The following SUB1 variants were observed in gnomAD, a reference collection of about 807,000 sequenced individuals.
SUB1 encodes SUB1 regulator of transcription, also known as activated RNA polymerase II transcriptional coactivator p15.
A neutral mutation model predicts 16.9 loss-of-function variants in SUB1; 1 was observed. The observed-to-expected ratio is 0.06, with a 90% CI of 0.02 to 0.28. The LOEUF (loss-of-function observed/expected upper bound fraction) is 0.28. Ranked by LOEUF, SUB1 falls within the 10% of genes least tolerant of loss-of-function variation. SUB1 has a pLI of 1.00. For missense variants in SUB1, 84 were observed against 145.2 expected (o/e 0.58, Z 2.16); for synonymous variants, 51 against 46.9 (o/e 1.09, Z -0.36).
Position 32,592,505 on chromosome 5 carries a change from T to G in SUB1, c.195+820T>G, listed in dbSNP as rs75625205. 5.8e-3 allele frequency among the ~76,000 whole-genome samples: 882 copies of G among 152,264 alleles called. 24 individuals carry two copies. The East Asian group carries it at 0.06, about 10-fold the overall frequency. On this transcript the variant is annotated intron_variant, in intron 3 of 4. Coordinates refer to ENST00000265073, the MANE Select transcript of SUB1 (RefSeq NM_006713.4). The stretch of plus-strand genomic sequence containing the variant: ...CACTGGCATCTTTGTACAAGAAGGA[T>G]TTGTGAGGAAGGGATGTTGGGGAAT...
chr5:32,586,942 T>C (rs904848558), intron 1 of SUB1, among the ~76,000 whole-genome samples: 6 of 152,372 alleles, frequency 3.9e-5, no homozygotes, highest in Non-Finnish European at 8.8e-5. Context: ...TTGGAACATA[T>C]GCAATGTCAG....
chr5:32,597,545 CTG>C (rs1320549098), intron 3 of SUB1: 1 of 152,070 alleles, frequency 6.6e-6, no homozygotes, highest in Non-Finnish European at 1.5e-5. Flanking sequence ...CTCTTGGAGT[CTG>C]TGCTTTCAAT....
At chr5:32,590,557 T>G (rs61336233) in intron 2 of SUB1, among the ~76,000 whole-genome samples, 60 of 151,294 alleles carry the variant, frequency 4.0e-4, no homozygotes, top group African/African-American at 1.4e-3. Context: ...CAGTGCAAAA[T>G]AGCTCTCTAA....
chr5:32,593,437 C>G (rs1239568779), intron 3 of SUB1, among the ~76,000 whole-genome samples: 1 of 151,884 alleles, frequency 6.6e-6, no homozygotes, highest in Admixed American at 6.6e-5. Flanking sequence ...TTTCCTATTG[C>G]TTATTTTTGC....
At position 32,601,658 on chromosome 5, in the gene SUB1, G is replaced by A. The variant is rs1470802413; in HGVS notation, c.*574G>A. The A allele has an allele frequency of 6.6e-6, 1 of 152,638 alleles. No individual in the cohort carries two copies. Among genetic ancestry groups the A allele is most frequent in the Non-Finnish European group, 1.5e-5 (1 of 68,428 alleles). The allele number at this position is 152,638 out of a possible 1,614,324, so 9.5% of individuals were successfully genotyped here. On this transcript the variant is annotated 3_prime_UTR_variant, in exon 5 of 5. Transcript: ENST00000265073. The stretch of plus-strand genomic sequence containing the variant: ...TATGGTATGCTTATTTGGAAAGTCA[G>A]TGAAACTGTCAAAATGTTATCTCAA...
chr5:32,597,194 C>T (rs1738989821), intron 3 of SUB1: 1 of 152,066 alleles, frequency 6.6e-6, no homozygotes, highest in South Asian at 2.1e-4. Flanking sequence ...ATTGCCGAAA[C>T]TGTTTCATCT....
chr5:32,594,366 G>A (rs1181811757), intron 3 of SUB1, among the ~76,000 whole-genome samples: 4 of 152,226 alleles, frequency 2.6e-5, no homozygotes, highest in Non-Finnish European at 5.9e-5. Context: ...GGTCAGAATA[G>A]TTGAGGCAGG....
rs996654725 is a variant in SUB1 at position 32,602,800 on chromosome 5, G to A, written c.*1716G>A. 2 of 152,340 alleles carry A rather than the reference G, an allele frequency of 1.3e-5. No homozygotes were observed. Among genetic ancestry groups the A allele is most frequent in the East Asian group, 1.9e-4 (1 of 5,192 alleles). 9.4% of individuals were successfully genotyped at this position (152,340 alleles called of 1,614,324 possible). Reference sequence around the variant, plus strand: ...TTTGCAGCCCCTTGAACCAGAGTAGGTTCAGAGAAACTCCCAAAGTTTGTA... The same window carrying A: ...TTTGCAGCCCCTTGAACCAGAGTAGATTCAGAGAAACTCCCAAAGTTTGTA... On this transcript the variant is annotated 3_prime_UTR_variant, in exon 5 of 5. Coordinates refer to ENST00000265073, the MANE Select transcript of SUB1 (RefSeq NM_006713.4).
intron 3 of SUB1, among the ~76,000 whole-genome samples, chr5:32,592,871 G>A (rs1220573300): frequency 2.6e-5 from 4 of 152,208 alleles, no homozygotes; most frequent in Non-Finnish European, 4.4e-5. Context: ...TATTCAGATA[G>A]AGAATGGAAG....
chr5:32,590,430 A>G (rs1738790357), intron 2 of SUB1, among the ~76,000 whole-genome samples: 1 of 151,460 alleles, frequency 6.6e-6, no homozygotes, highest in Non-Finnish European at 1.5e-5. Context: ...TTTTAAAATA[A>G]TGCTGTTTTT....
chr5:32,589,429 A>G (rs1437980718), intron 2 of SUB1, among the ~76,000 whole-genome samples: 2 of 152,176 alleles, frequency 1.3e-5, no homozygotes, highest in African/African-American at 4.8e-5. Flanking sequence ...ACTGGTGTTT[A>G]TTCTGCACAT....
chr5:32,587,199 T>C (rs1165191873), intron 1 of SUB1, among the ~76,000 whole-genome samples: 1 of 152,074 alleles, frequency 6.6e-6, no homozygotes, highest in Non-Finnish European at 1.5e-5. Context: ...ATTCAAAAAA[T>C]TGCAACCTCT....
chr5:32,598,725 C>A (rs1468588105), intron 3 of SUB1: 1 of 357,674 alleles, frequency 2.8e-6, no homozygotes, highest in Non-Finnish European at 5.0e-6. Flanking sequence ...TGCAGTTGTT[C>A]TGTGAGTTTT....
chr5:32,600,051 A>G (rs552765158), intron 4 of SUB1, among the ~76,000 whole-genome samples: 81 of 152,216 alleles, frequency 5.3e-4, no homozygotes, highest in Non-Finnish European at 8.7e-4. Flanking sequence ...TTCATTATTC[A>G]TGTTACTTAA....
intron 3 of SUB1, among the ~76,000 whole-genome samples, chr5:32,593,503 C>T (rs1738882558): frequency 6.6e-6 from 1 of 151,884 alleles, no homozygotes; most frequent in South Asian, 2.1e-4. Flanking sequence ...CTATTTAGTT[C>T]AGAACACACA....
intron 3 of SUB1, among the ~76,000 whole-genome samples, chr5:32,592,579 ATG>A (rs1738855773): frequency 1.3e-5 from 2 of 152,188 alleles, no homozygotes; most frequent in Admixed American, 1.3e-4. Context: ...TTTAATCTGT[ATG>A]TGAGGTGATA....
In SUB1 at chr5:32,601,924, T is replaced by G. The variant is rs1272135616; in HGVS notation, c.*840T>G. ...TCTGTAACATCAGATATTGTTCAAC[T>G]AGACTAGGATTTAATAAAAATTGTG... On this transcript the variant is annotated 3_prime_UTR_variant, in exon 5 of 5. Transcript: ENST00000265073. The G allele has an allele frequency of 5.8e-6, 1 of 173,828 alleles. No homozygotes were observed. The highest frequency in any genetic ancestry group is 1.2e-5 in the Non-Finnish European group (1 of 80,412). 10.8% of individuals were successfully genotyped at this position (173,828 alleles called of 1,614,324 possible). A position where few individuals can be genotyped will look rare whatever the true frequency, so the allele number is the denominator to read the frequency against.
chr5:32,592,549 T>C (rs931078355), intron 3 of SUB1, among the ~76,000 whole-genome samples: 4 of 152,166 alleles, frequency 2.6e-5, no homozygotes, highest in African/African-American at 9.7e-5. Flanking sequence ...GCAGGTGAGA[T>C]TGCTTAGGTA....
Position 32,603,886 on chromosome 5 carries a change from T to C in SUB1, c.*2802T>C, listed in dbSNP as rs1359634693. On this transcript the variant is annotated 3_prime_UTR_variant, in exon 5 of 5. Coordinates refer to ENST00000265073, the MANE Select transcript of SUB1 (RefSeq NM_006713.4). ...TATGGCAGTTAATCCAGTGAAACAC[T>C]CAAAAGTTTTTTTTTTTTTAAAAGT... is the stretch of plus-strand genomic sequence containing the variant. 1 of 142,012 alleles carries C rather than the reference T, an allele frequency of 7.0e-6. No homozygotes were observed. The highest frequency in any genetic ancestry group is 1.6e-5 in the Non-Finnish European group (1 of 62,342). The allele number at this position is 142,012 out of a possible 1,614,324, so 8.8% of individuals were successfully genotyped here.
Sources: allele counts gnomAD v4.1 joint callset (sites outside exome capture counted in the v4.1 genomes callset), GRCh38; gene constraint gnomAD v4.1.1; transcripts MANE v1.5; gene names NCBI Gene and HGNC (gene_info 2026-07-23, HGNC 2026-07-21).